FAAH2: variants seen among roughly 807,000 people sequenced by gnomAD.
FAAH2 encodes the protein fatty-acid amide hydrolase 2.
In FAAH2, 60 loss-of-function variants were observed where a neutral mutation model predicts 36.9. That is an observed-to-expected ratio of 1.63 (90% CI 1.32 to 2.02). The LOEUF is 2.02. FAAH2 is among the 30% of genes most tolerant of loss of function. The pLI is 0.00. For missense variants in FAAH2, 689 were observed against 397.5 expected (o/e 1.73, Z -6.23); for synonymous variants, 214 against 143.8 (o/e 1.49, Z -3.49).
intron 10 of FAAH2, among the ~76,000 whole-genome samples, chrX:57,459,400 A>G (rs928918639): frequency 1.8e-5 from 2 of 112,344 alleles, no homozygotes; most frequent in Non-Finnish European, 3.8e-5. Flanking sequence ...CTGTGGGCAC[A>G]GCTTCAGTGA....
the FAAH2 span, among the ~76,000 whole-genome samples, chrX:57,162,430 C>T: frequency 8.9e-6 from 1 of 111,831 alleles, no homozygotes; most frequent in Non-Finnish European, 1.9e-5. Context: ...TGGGGAAGTT[C>T]TCCTGGATAA....
chrX:57,265,623 G>A, the FAAH2 span, among the ~76,000 whole-genome samples: 3 of 111,589 alleles, frequency 2.7e-5, no homozygotes, highest in Admixed American at 1.9e-4. Context: ...TCATCACTTG[G>A]GGGGTAACTC....
rs759956961 is a variant in FAAH2 at position 57,401,102 on chromosome X, G to A, written c.996+20073G>A. On this transcript the variant is annotated intron_variant, in intron 7 of 10. Transcript: ENST00000374900. Reference sequence around the variant, plus strand: ...CATGCCACTGCACTCCAGCCTGGGCGACAGAGTGAGACTCTGTCTCAAAAA... The same window carrying A: ...CATGCCACTGCACTCCAGCCTGGGCAACAGAGTGAGACTCTGTCTCAAAAA... Among the ~76,000 whole-genome samples the A allele has an allele frequency of 9.0e-5, 10 of 111,463 alleles. No individual in the cohort carries two copies. In the East Asian group the frequency reaches 1.7e-3, roughly 19 times the overall value.
the FAAH2 span, among the ~76,000 whole-genome samples, chrX:57,175,532 T>C: frequency 1.8e-5 from 2 of 112,158 alleles, no homozygotes; most frequent in Non-Finnish European, 3.8e-5. Flanking sequence ...TGCCAACCTG[T>C]ATCTTTTAAG....
rs768566136 is a variant in FAAH2 at position 57,350,452 on chromosome X, AT to A, written c.742+9063del. The stretch of plus-strand genomic sequence containing the variant: ...AATGACAAACAACGTGGGAAAAAAA[AT>A]AACTTATGAAACAAGCAGAAAACAG... On this transcript the variant is annotated intron_variant, in intron 5 of 10. Coordinates refer to ENST00000374900, the MANE Select transcript of FAAH2 (RefSeq NM_174912.4). Among the ~76,000 whole-genome samples the A allele has an allele frequency of 3.8e-3, 416 of 110,645 alleles. 5 individuals are homozygous for A. The highest frequency in any genetic ancestry group is 0.013 in the African/African-American group (395 of 30,632).
the FAAH2 span, among the ~76,000 whole-genome samples, chrX:57,157,233 C>T: frequency 4.5e-5 from 5 of 111,806 alleles, no homozygotes; most frequent in African/African-American, 1.6e-4. Flanking sequence ...TCCACACCAA[C>T]TGCAGCTGGT....
chrX:57,449,131 T>G (rs2056738010), intron 10 of FAAH2, among the ~76,000 whole-genome samples: 1 of 112,143 alleles, frequency 8.9e-6, no homozygotes, highest in African/African-American at 3.2e-5. Flanking sequence ...TTTACTTGAC[T>G]TAGCTATCAT....
chrX:57,466,838 T>C (rs1025087371), intron 10 of FAAH2, among the ~76,000 whole-genome samples: 3 of 111,161 alleles, frequency 2.7e-5, no homozygotes, highest in Non-Finnish European at 5.7e-5. Flanking sequence ...GGGTGTGAAA[T>C]AAATACATTG....
At chrX:57,362,885 T>C (rs2054320774) in intron 5 of FAAH2, among the ~76,000 whole-genome samples, 1 of 111,962 alleles carries the variant, frequency 8.9e-6, no homozygotes, top group African/African-American at 3.2e-5. Context: ...CAGGTTGTTA[T>C]AGATTTGAAG....
At chrX:57,177,481 A>G in the FAAH2 span, among the ~76,000 whole-genome samples, 1 of 102,477 alleles carries the variant, frequency 9.8e-6, no homozygotes, top group African/African-American at 3.5e-5. Context: ...TATATATAAT[A>G]AATAATTTTA....
chrX:57,241,848 C>G, the FAAH2 span, among the ~76,000 whole-genome samples: 2 of 111,302 alleles, frequency 1.8e-5, no homozygotes, highest in Non-Finnish European at 3.8e-5. Flanking sequence ...CCGGAACTCA[C>G]CACAGCACAG....
At chrX:57,131,079 C>CT in the FAAH2 span, among the ~76,000 whole-genome samples, 33,093 of 90,148 alleles carry the variant, frequency 0.37, 7,262 homozygotes, top group African/African-American at 0.72. Context: ...GGGCCTATTT[C>CT]TTTTTTTTTT....
rs1412087776 is a variant in FAAH2, at chrX:57,331,618, C to A, written c.433C>A (p.Leu145Ile). ...TTTAGGAATGCCCAATTCTTCTGGACTCATGAACCGTCGTGATGCCATTGC... is the reference window on the plus strand; with the variant it reads ...TTTAGGAATGCCCAATTCTTCTGGAATCATGAACCGTCGTGATGCCATTGC... ...QLQGMPNSSG[L>I]MNRRDAIAKT... Residue 145 changes from leucine to isoleucine, a missense_variant, in exon 4 of 11, where the codon CTC becomes ATC. Physicochemically the swap from Leu to Ile is conservative, Grantham distance 5. Transcript: ENST00000374900. The A allele has an allele frequency of 5.0e-6, 6 of 1,208,798 alleles. No individual in the cohort carries two copies. Among genetic ancestry groups the A allele is most frequent in the Non-Finnish European group, 6.7e-6 (6 of 894,341 alleles).
At chrX:57,141,822 C>T in the FAAH2 span, among the ~76,000 whole-genome samples, 2 of 110,441 alleles carry the variant, frequency 1.8e-5, no homozygotes, top group Non-Finnish European at 3.8e-5. Context: ...TAGGATACAA[C>T]TGAAGAAAGT....
At chrX:57,424,622 A>G (rs2056116232) in intron 7 of FAAH2, among the ~76,000 whole-genome samples, 1 of 112,143 alleles carries the variant, frequency 8.9e-6, no homozygotes, top group African/African-American at 3.2e-5. Flanking sequence ...AAAACTGTCT[A>G]TAACCAAGGA....
chrX:57,251,437 G>A, the FAAH2 span, among the ~76,000 whole-genome samples: 6 of 111,523 alleles, frequency 5.4e-5, no homozygotes, highest in Non-Finnish European at 9.4e-5. Context: ...TCTAAGATCA[G>A]GAACAAGACA....
chrX:57,439,220 A>G (rs747459630), intron 8 of FAAH2, among the ~76,000 whole-genome samples: 300 of 109,514 alleles, frequency 2.7e-3, no homozygotes, highest in African/African-American at 9.5e-3. Context: ...TCCCACCAAC[A>G]GTGTAAAAGT....
chrX:57,150,452 G>A, the FAAH2 span, among the ~76,000 whole-genome samples: 2 of 111,965 alleles, frequency 1.8e-5, no homozygotes. Flanking sequence ...TCCTGTATTG[G>A]GTGCATATGT....
chrX:57,477,878 C>T (rs2057302299), intron 10 of FAAH2, among the ~76,000 whole-genome samples: 1 of 111,947 alleles, frequency 8.9e-6, no homozygotes, highest in African/African-American at 3.2e-5. Context: ...TTTCTTAATG[C>T]AGTCTATCAT....
Sources: allele counts gnomAD v4.1 joint callset (sites outside exome capture counted in the v4.1 genomes callset), GRCh38; gene constraint gnomAD v4.1.1; transcripts MANE v1.5; gene names NCBI Gene and HGNC (gene_info 2026-07-23, HGNC 2026-07-21).